Variants in ZNF267 observed in about 807,000 individuals in gnomAD.
The protein encoded by ZNF267 is zinc finger (C2H2).
ZNF267 carries 61 observed loss-of-function variants against 71.6 expected under a neutral mutation model. That is an observed-to-expected ratio of 0.85 (90% CI 0.69 to 1.05). The LOEUF (loss-of-function observed/expected upper bound fraction) is 1.05. Ranked by LOEUF, ZNF267 falls within the 50% of genes least tolerant of loss-of-function variation. ZNF267 has a pLI of 0.00. For synonymous variants in ZNF267, 288 were observed against 293.2 expected (o/e 0.98, Z 0.18); for missense variants, 852 against 870.0 (o/e 0.98, Z 0.26).
At chr16:31,904,451 T>C (rs1381484326) in intron 3 of ZNF267, among the ~76,000 whole-genome samples, 5 of 152,252 alleles carry the variant, frequency 3.3e-5, no homozygotes, top group African/African-American at 1.2e-4. Flanking sequence ...ACGGACTTGC[T>C]TTATGAATCT....
Position 31,916,806 on chromosome 16 carries a change from A to T in ZNF267, c.*325A>T, listed in dbSNP as rs756811002. The T allele has an allele frequency of 9.0e-6, 2 of 221,156 alleles. No homozygotes were observed. Among genetic ancestry groups the T allele is most frequent in the Non-Finnish European group, 1.8e-5 (2 of 111,180 alleles). 13.7% of individuals were successfully genotyped at this position (221,156 alleles called of 1,614,324 possible). On this transcript the variant is annotated 3_prime_UTR_variant, in exon 4 of 4. Transcript: ENST00000300870. Reference sequence around the variant, plus strand: ...GGGTTCATAGAAAAAGGAAGTTTGCAGATGCAATAAATGTGAGGAAGTATT... The same window carrying T: ...GGGTTCATAGAAAAAGGAAGTTTGCTGATGCAATAAATGTGAGGAAGTATT...
chr16:31,894,606 C>T (rs1367183415), intron 3 of ZNF267: 4 of 486,094 alleles, frequency 8.2e-6, no homozygotes, highest in African/African-American at 8.0e-5. Flanking sequence ...CAGATAATGA[C>T]TTCAGTGCTT....
At chr16:31,906,605 C>A (rs1321981986) in intron 3 of ZNF267, among the ~76,000 whole-genome samples, 1 of 152,120 alleles carries the variant, frequency 6.6e-6, no homozygotes, top group African/African-American at 2.4e-5. Context: ...TCCTGGTGTG[C>A]CGTTTGTTAA....
chr16:31,913,553 G>A (rs2084150427), intron 3 of ZNF267: 1 of 152,212 alleles, frequency 6.6e-6, no homozygotes, highest in Non-Finnish European at 1.5e-5. Context: ...GTTCCCTTTG[G>A]CCCCAGGTAG....
intron 3 of ZNF267, among the ~76,000 whole-genome samples, chr16:31,897,060 C>T (rs973349521): frequency 6.6e-5 from 10 of 150,410 alleles, no homozygotes; most frequent in Non-Finnish European, 1.2e-4. Context: ...AAATTGGAAA[C>T]GAGGAAGTTA....
chr16:31,885,398 CAA>C, intron 3 of ZNF267, 142 bp downstream of exon 3: 1 of 627,342 alleles, frequency 1.6e-6, no homozygotes, highest in Non-Finnish European at 2.6e-6. Context: ...CCCTTGCTGT[CAA>C]AGAGGGACAT....
At chr16:31,875,091 A>G (rs527315880) in intron 1 of ZNF267, 32 of 1,283,440 alleles carry the variant, frequency 2.5e-5, no homozygotes, top group Non-Finnish European at 3.2e-5. Context: ...TTCCCCAGGC[A>G]CAGACACGTT....
At chr16:31,895,040 C>T in intron 3 of ZNF267, 1 of 261,610 alleles carries the variant, frequency 3.8e-6, no homozygotes, top group Non-Finnish European at 7.5e-6. Flanking sequence ...CCCATGGCTC[C>T]CACTTCCTCC....
At chr16:31,893,902 CA>C (rs2083978165) in intron 3 of ZNF267, among the ~76,000 whole-genome samples, 1 of 152,180 alleles carries the variant, frequency 6.6e-6, no homozygotes, top group Non-Finnish European at 1.5e-5. Flanking sequence ...CAGACAGGAC[CA>C]AATTCTGCAT....
At position 31,873,811 on chromosome 16, in the gene ZNF267, A is replaced by G. The variant is rs1262259278; in HGVS notation, c.-156A>G. 2.0e-6 allele frequency: 2 copies of G among 1,002,036 alleles called. No individual in the cohort carries two copies. Among genetic ancestry groups the G allele is most frequent in the Non-Finnish European group, 1.5e-6 (1 of 647,610 alleles). The allele number at this position is 1,002,036 out of a possible 1,614,324, so 62.1% of individuals were successfully genotyped here. A position where few individuals can be genotyped will look rare whatever the true frequency, so the allele number is the denominator to read the frequency against. ...GCGGGGGCCTTCGTCGGCTCCAGTT[A>G]GAGCTCGGGTCTCCTCGCCACAGCT... On this transcript the variant is annotated 5_prime_UTR_variant, in exon 1 of 4. Transcript: ENST00000300870.
At chr16:31,874,771 C>CAA (rs1233114491) in intron 1 of ZNF267, among the ~76,000 whole-genome samples, 4 of 152,186 alleles carry the variant, frequency 2.6e-5, no homozygotes, top group South Asian at 4.1e-4. Flanking sequence ...GTGTAGCACG[C>CAA]AGAGTCTCAA....
At chr16:31,899,054 C>T (rs1282866561) in intron 3 of ZNF267, among the ~76,000 whole-genome samples, 1 of 152,096 alleles carries the variant, frequency 6.6e-6, no homozygotes, top group Non-Finnish European at 1.5e-5. Flanking sequence ...TAGAGACCTA[C>T]AAAGAGACTT....
intron 3 of ZNF267, among the ~76,000 whole-genome samples, chr16:31,905,833 C>T (rs556470811): frequency 1.3e-5 from 2 of 152,196 alleles, no homozygotes; most frequent in African/African-American, 2.4e-5. Context: ...TTTTGAGGAG[C>T]TGCGTTCCTT....
rs2083831162 is a variant in ZNF267 at position 31,873,841 on chromosome 16, G to C, written c.-126G>C. The C allele has an allele frequency of 1.5e-6, 2 of 1,353,098 alleles. No homozygotes were observed. Among genetic ancestry groups the C allele is most frequent in the African/African-American group, 1.4e-5 (1 of 69,648 alleles). 83.8% of individuals were successfully genotyped at this position (1,353,098 alleles called of 1,614,324 possible). On this transcript the variant is annotated 5_prime_UTR_variant, in exon 1 of 4. Coordinates refer to ENST00000300870, the MANE Select transcript of ZNF267 (RefSeq NM_003414.6). ...TCGGGTCTCCTCGCCACAGCTCCGA[G>C]TCTTTCGTTCTGGGAGGCCCAGGCG...
intron 3 of ZNF267, among the ~76,000 whole-genome samples, chr16:31,895,156 G>C (rs1385604586): frequency 6.6e-6 from 1 of 152,224 alleles, no homozygotes; most frequent in East Asian, 1.9e-4. Flanking sequence ...GTGGGTGTGA[G>C]CTCTGGGTGA....
Position 31,886,399 on chromosome 16 carries a change from C to T in ZNF267, c.226+1143C>T, listed in dbSNP as rs369488186. On this transcript the variant is annotated intron_variant, in intron 3 of 3. Transcript: ENST00000300870. ...GGGCCAGCAAGCATTACTGCCTGATCGCTGCCTCCTCTCAGATCAGCAGCA... is the reference window on the plus strand; with the variant it reads ...GGGCCAGCAAGCATTACTGCCTGATTGCTGCCTCCTCTCAGATCAGCAGCA... Among the ~76,000 whole-genome samples the T allele has an allele frequency of 7.9e-5, 12 of 152,306 alleles. No individual in the cohort carries two copies. In the South Asian group the frequency reaches 1.5e-3, roughly 18 times the overall value.
At chr16:31,911,834 T>C (rs760026572) in intron 3 of ZNF267, 12 of 151,654 alleles carry the variant, frequency 7.9e-5, no homozygotes, top group Non-Finnish European at 1.5e-4. Flanking sequence ...TGTTTTTTTA[T>C]TTGAGGTTAC....
intron 3 of ZNF267, among the ~76,000 whole-genome samples, chr16:31,893,584 C>T (rs1318330038): frequency 6.6e-6 from 1 of 152,178 alleles, no homozygotes; most frequent in Non-Finnish European, 1.5e-5. Flanking sequence ...ACCCAAGTCA[C>T]CTAGGTTACA....
chr16:31,906,251 C>G (rs755833164), intron 3 of ZNF267, among the ~76,000 whole-genome samples: 14 of 152,202 alleles, frequency 9.2e-5, no homozygotes, highest in Non-Finnish European at 1.5e-4. Flanking sequence ...GGCAGTCTGC[C>G]CATTCTCAGA....
Sources: allele counts gnomAD v4.1 joint callset (sites outside exome capture counted in the v4.1 genomes callset), GRCh38; gene constraint gnomAD v4.1.1; transcripts MANE v1.5; gene names NCBI Gene and HGNC (gene_info 2026-07-23, HGNC 2026-07-21).